SYCP1: variants seen among roughly 807,000 people sequenced by gnomAD.
SYCP1 encodes the protein synaptonemal complex protein 1.
A neutral mutation model predicts 153.1 loss-of-function variants in SYCP1; 64 were observed. The ratio of observed to expected loss-of-function variants is 0.42; its 90% CI spans 0.34 to 0.51. SYCP1 has a LOEUF of 0.51. Among genes scored for constraint, SYCP1 ranks in the 20% least tolerant of loss-of-function variants. SYCP1 has a pLI of 0.06. For missense variants in SYCP1, 997 were observed against 1,049.0 expected, an observed-to-expected ratio of 0.95 and a Z score of 0.68; for synonymous variants, 384 against 341.8, an observed-to-expected ratio of 1.12 and a Z score of -1.36.
At chr1:114,943,312 TTGTGTGTGTACC>T (rs1277155994) in intron 23 of SYCP1, among the ~76,000 whole-genome samples, 1 of 151,932 alleles carries the variant, frequency 6.6e-6, no homozygotes, top group Admixed American at 6.6e-5. Context: ...CATAGCACTA[TTGTGTGTGTACC>T]AGTCCCAAAA....
chr1:114,873,202 A>G (rs993477806), intron 8 of SYCP1, among the ~76,000 whole-genome samples: 2 of 152,086 alleles, frequency 1.3e-5, no homozygotes, highest in Non-Finnish European at 2.9e-5. Flanking sequence ...TGCTTTTAGT[A>G]TGCTTGTATT....
intron 27 of SYCP1, among the ~76,000 whole-genome samples, chr1:114,960,521 A>G (rs748611717): frequency 6.6e-5 from 10 of 151,996 alleles, no homozygotes; most frequent in Non-Finnish European, 1.3e-4. Context: ...TTACATTCCC[A>G]CCAGCAGTGT....
At chr1:114,992,708 C>T (rs1674008177) in intron 30 of SYCP1, among the ~76,000 whole-genome samples, 1 of 151,512 alleles carries the variant, frequency 6.6e-6, no homozygotes, top group Admixed American at 6.6e-5. Flanking sequence ...TCAAAATCTT[C>T]ATGACACTGG....
intron 27 of SYCP1, among the ~76,000 whole-genome samples, chr1:114,958,756 T>TAAA (rs754525268): frequency 2.1e-5 from 2 of 96,526 alleles, no homozygotes; most frequent in East Asian, 3.0e-4. Context: ...CTGTCTCTAC[T>TAAA]AAAAAAAAAA....
At chr1:114,864,410 T>C (rs931762766) in intron 8 of SYCP1, among the ~76,000 whole-genome samples, 1 of 152,090 alleles carries the variant, frequency 6.6e-6, no homozygotes, top group East Asian at 1.9e-4. Flanking sequence ...ATGAGGCCAC[T>C]GTTCTGTATT....
chr1:114,875,569 C>T (rs1665468711), intron 9 of SYCP1, among the ~76,000 whole-genome samples: 1 of 152,048 alleles, frequency 6.6e-6, no homozygotes, highest in African/African-American at 2.4e-5. Context: ...GAGACTTTGT[C>T]TTCTATTCCT....
chr1:114,952,555 T>A (rs944240785), intron 27 of SYCP1, among the ~76,000 whole-genome samples: 8 of 152,072 alleles, frequency 5.3e-5, no homozygotes, highest in Non-Finnish European at 7.4e-5. Context: ...GAAGCAAACA[T>A]GTCCTTCACA....
At chr1:114,938,162 G>T (rs1190995126) in intron 23 of SYCP1, among the ~76,000 whole-genome samples, 3 of 152,100 alleles carry the variant, frequency 2.0e-5, no homozygotes, top group Non-Finnish European at 4.4e-5. Context: ...GTCCATCAAT[G>T]ATAGACTGGA....
chr1:114,963,175 C>T (rs1452290430), intron 27 of SYCP1, among the ~76,000 whole-genome samples: 1 of 151,996 alleles, frequency 6.6e-6, no homozygotes, highest in African/African-American at 2.4e-5. Flanking sequence ...CGATGAATTT[C>T]CTGGGTATTC....
intron 27 of SYCP1, among the ~76,000 whole-genome samples, chr1:114,949,480 G>T (rs572100200): frequency 2.0e-5 from 3 of 152,282 alleles, no homozygotes; most frequent in African/African-American, 7.2e-5. Flanking sequence ...TCTTTTGATA[G>T]TTAAGAATTC....
At chr1:114,871,959 A>T (rs1379522353) in intron 8 of SYCP1, among the ~76,000 whole-genome samples, 2 of 151,304 alleles carry the variant, frequency 1.3e-5, no homozygotes, top group African/African-American at 4.9e-5. Context: ...AAAGTTATTT[A>T]GCCTTCACTT....
chr1:114,893,529 C>G (rs1013332180), intron 15 of SYCP1, among the ~76,000 whole-genome samples: 14 of 152,198 alleles, frequency 9.2e-5, no homozygotes, highest in African/African-American at 3.4e-4. Flanking sequence ...GATCTGGTAT[C>G]CTGTTGGAAC....
intron 27 of SYCP1, among the ~76,000 whole-genome samples, chr1:114,954,815 G>A (rs922885952): frequency 7.2e-5 from 11 of 152,078 alleles, no homozygotes; most frequent in African/African-American, 2.4e-4. Flanking sequence ...TCTTGACCTC[G>A]CGATCCGCCT....
chr1:114,932,369 C>T (rs1296703536), intron 23 of SYCP1, among the ~76,000 whole-genome samples: 1 of 152,072 alleles, frequency 6.6e-6, no homozygotes, highest in Non-Finnish European at 1.5e-5. Context: ...AAATAAATAT[C>T]TCAACTCAAA....
chr1:114,892,662 T>C (rs1348545311), intron 15 of SYCP1, among the ~76,000 whole-genome samples: 2 of 152,110 alleles, frequency 1.3e-5, no homozygotes, highest in Non-Finnish European at 2.9e-5. Context: ...CAGCCAGTAG[T>C]AGCAGCTGCA....
intron 28 of SYCP1, among the ~76,000 whole-genome samples, chr1:114,979,314 G>T (rs1452296073): frequency 6.6e-6 from 1 of 151,526 alleles, no homozygotes; most frequent in East Asian, 1.9e-4. Flanking sequence ...TAAATGAGAT[G>T]GTATTTGTAA....
intron 8 of SYCP1, among the ~76,000 whole-genome samples, chr1:114,861,330 A>T (rs564068477): frequency 1.7e-4 from 26 of 152,266 alleles, no homozygotes; most frequent in African/African-American, 6.3e-4. Context: ...TCATTTTTTT[A>T]AATTATAAAG....
chr1:114,891,584 G>T (rs1388897913), intron 15 of SYCP1, among the ~76,000 whole-genome samples: 1 of 152,136 alleles, frequency 6.6e-6, no homozygotes, highest in Non-Finnish European at 1.5e-5. Context: ...TTCTTAACTT[G>T]TTACAGTTTT....
chr1:114,962,596 G>A (rs1671849969), intron 27 of SYCP1, among the ~76,000 whole-genome samples: 1 of 152,022 alleles, frequency 6.6e-6, no homozygotes, highest in South Asian at 2.1e-4. Context: ...GCACATACTT[G>A]GGTTGGTGAA....
Sources: gnomAD v4.1 joint callset for allele counts (sites outside exome capture counted in the v4.1 genomes callset) on GRCh38, gnomAD v4.1.1 for gene constraint, MANE v1.5 for transcripts, NCBI Gene and HGNC (gene_info 2026-07-23, HGNC 2026-07-21) for gene names.